The following DIAPH2 variants were observed in gnomAD, a reference collection of about 807,000 sequenced individuals.
DIAPH2 encodes diaphanous related formin 2, also known as protein diaphanous homolog 2.
DIAPH2 carries 35 observed loss-of-function variants against 92.7 expected under a neutral mutation model. The observed-to-expected ratio is 0.38, with a 90% CI of 0.29 to 0.50. The LOEUF (loss-of-function observed/expected upper bound fraction) is 0.50, where lower values mean the gene tolerates loss of function less well. DIAPH2 is among the 20% of genes least tolerant of loss of function. The pLI, the probability that DIAPH2 is intolerant of heterozygous loss-of-function variation, is 0.94. For synonymous variants in DIAPH2, 301 were observed against 280.4 expected, an observed-to-expected ratio of 1.07 and a Z score of -0.73; for missense variants, 701 against 819.5, an observed-to-expected ratio of 0.86 and a Z score of 1.77.
chrX:96,919,751 CA>C (rs766297913), intron 9 of DIAPH2, among the ~76,000 whole-genome samples: 1 of 111,290 alleles, frequency 9.0e-6, no homozygotes, highest in Non-Finnish European at 1.9e-5. Context: ...TGTAATGTTA[CA>C]AAATTGTAAT....
chrX:96,801,628 C>T (rs2064583303), intron 4 of DIAPH2, among the ~76,000 whole-genome samples: 1 of 111,138 alleles, frequency 9.0e-6, no homozygotes, highest in Non-Finnish European at 1.9e-5. Flanking sequence ...AGTTTCTGAC[C>T]TCCTGTTACC....
chrX:96,803,532 A>T (rs1389813555), intron 4 of DIAPH2, among the ~76,000 whole-genome samples: 1 of 111,978 alleles, frequency 8.9e-6, no homozygotes, highest in Admixed American at 9.5e-5. Context: ...CATTCTCAAC[A>T]GTTGCCTAGT....
At chrX:96,990,865 AC>A (rs1383130246) in intron 17 of DIAPH2, among the ~76,000 whole-genome samples, 34 of 110,641 alleles carry the variant, frequency 3.1e-4, no homozygotes, top group Non-Finnish European at 5.7e-4. Context: ...TTTCTCAGTA[AC>A]CCCTTCCTTC....
chrX:97,204,427 G>A (rs1034501067), intron 22 of DIAPH2, among the ~76,000 whole-genome samples: 7 of 111,558 alleles, frequency 6.3e-5, no homozygotes, highest in African/African-American at 1.6e-4. Context: ...AAACCCCATC[G>A]TCTCAGCCCC....
intron 1 of DIAPH2, among the ~76,000 whole-genome samples, chrX:96,734,690 A>G (rs1223693217): frequency 9.0e-6 from 1 of 111,443 alleles, no homozygotes; most frequent in Non-Finnish European, 1.9e-5. Flanking sequence ...TAGAAAAGAA[A>G]AGAGTTATAC....
chrX:96,964,661 C>T (rs757457724), intron 16 of DIAPH2, among the ~76,000 whole-genome samples: 4 of 111,468 alleles, frequency 3.6e-5, no homozygotes, highest in East Asian at 5.6e-4. Context: ...TAACTTAAGA[C>T]AGTACCTGAC....
chrX:97,377,983 C>A (rs1221265079), intron 24 of DIAPH2, among the ~76,000 whole-genome samples: 1 of 106,918 alleles, frequency 9.4e-6, no homozygotes, highest in African/African-American at 3.4e-5. Flanking sequence ...AAAAAAAACC[C>A]AGAAAACTTA....
chrX:96,861,644 C>T (rs183564387), intron 4 of DIAPH2, among the ~76,000 whole-genome samples: 86 of 111,846 alleles, frequency 7.7e-4, no homozygotes, highest in African/African-American at 2.7e-3. Flanking sequence ...CAAAAATCCT[C>T]AGTGATTTCA....
chrX:97,512,230 A>G (rs2147838443), intron 26 of DIAPH2, among the ~76,000 whole-genome samples: 1 of 113,619 alleles, frequency 8.8e-6, no homozygotes, highest in South Asian at 3.5e-4. Context: ...TTCCTGGTTT[A>G]GTCTTGGGAG....
chrX:97,604,576 G>T lies in DIAPH2; in HGVS notation c.*5259G>T, dbSNP rs919732172. The T allele has an allele frequency of 8.9e-6, 1 of 111,833 alleles. No homozygotes were observed. Among genetic ancestry groups the T allele is most frequent in the African/African-American group, 3.3e-5 (1 of 30,646 alleles). 9.2% of individuals were successfully genotyped at this position (111,833 alleles called of 1,213,427 possible). A position where few individuals can be genotyped will look rare whatever the true frequency, so the allele number is the denominator to read the frequency against. ...GGATGGACAGGCTATTCTAAATTTT[G>T]GTTGATACTTTTGCTACTATGGGCA... On this transcript the variant is annotated 3_prime_UTR_variant, in exon 27 of 27. Transcript: ENST00000324765.
chrX:97,433,136 G>T (rs1184688187), intron 26 of DIAPH2, among the ~76,000 whole-genome samples: 1 of 111,197 alleles, frequency 9.0e-6, no homozygotes, highest in African/African-American at 3.3e-5. Context: ...CAGCGGATGT[G>T]CTGTTTCAGT....
chrX:97,335,450 A>G (rs1300293986), intron 23 of DIAPH2, among the ~76,000 whole-genome samples: 1 of 111,946 alleles, frequency 8.9e-6, no homozygotes, highest in Non-Finnish European at 1.9e-5. Flanking sequence ...GACCTTATCT[A>G]ATTAACATCT....
intron 22 of DIAPH2, among the ~76,000 whole-genome samples, chrX:97,194,906 A>C (rs1435036121): frequency 1.8e-5 from 2 of 112,249 alleles, no homozygotes; most frequent in African/African-American, 6.5e-5. Flanking sequence ...CTTAATCAAC[A>C]GTTCTGTAAT....
At chrX:97,014,575 C>T (rs1334159438) in intron 17 of DIAPH2, among the ~76,000 whole-genome samples, 2 of 112,034 alleles carry the variant, frequency 1.8e-5, no homozygotes. Flanking sequence ...AATTCTACAG[C>T]TTCTACTGCT....
At chrX:96,744,399 G>A (rs1256908709) in intron 3 of DIAPH2, among the ~76,000 whole-genome samples, 1 of 112,431 alleles carries the variant, frequency 8.9e-6, no homozygotes, top group Non-Finnish European at 1.9e-5. Flanking sequence ...AAGTAGCTGA[G>A]CCGAAACTTA....
At chrX:96,702,659 G>A (rs776871492) in intron 1 of DIAPH2, among the ~76,000 whole-genome samples, 2 of 112,146 alleles carry the variant, frequency 1.8e-5, no homozygotes, top group African/African-American at 6.5e-5. Context: ...GCATATCTCA[G>A]TCAGCACAGG....
At chrX:96,953,014 G>A (rs115578399) in intron 15 of DIAPH2, among the ~76,000 whole-genome samples, 1,953 of 109,231 alleles carry the variant, frequency 0.018, 36 homozygotes, top group African/African-American at 0.061. Context: ...AGTTAGTCAG[G>A]AGACTGAGAT....
intron 4 of DIAPH2, among the ~76,000 whole-genome samples, chrX:96,860,861 T>A (rs1403146285): frequency 1.8e-5 from 2 of 111,758 alleles, no homozygotes; most frequent in African/African-American, 6.5e-5. Context: ...ACAATGTAAT[T>A]ATATAATCGT....
At chrX:97,469,902 C>A in intron 26 of DIAPH2, 1 of 862,287 alleles carries the variant, frequency 1.2e-6, no homozygotes, top group Non-Finnish European at 1.5e-6. Flanking sequence ...ATGCTATATG[C>A]CCCTTAATAC....
Sources: allele counts gnomAD v4.1 joint callset (sites outside exome capture counted in the v4.1 genomes callset), GRCh38; gene constraint gnomAD v4.1.1; transcripts MANE v1.5; gene names NCBI Gene and HGNC (gene_info 2026-07-23, HGNC 2026-07-21).